Variants in PCDHA1 observed in about 807,000 individuals in gnomAD.
The protein encoded by PCDHA1 is protocadherin alpha-1.
Under a neutral mutation model 61.3 loss-of-function variants are expected in PCDHA1, and 42 were observed. The ratio of observed to expected loss-of-function variants is 0.69; its 90% CI spans 0.54 to 0.89. The LOEUF (loss-of-function observed/expected upper bound fraction) is 0.89. Among genes scored for constraint, PCDHA1 ranks in the 40% least tolerant of loss-of-function variants. The pLI is 0.00. For missense variants in PCDHA1, 1,256 were observed against 1,235.3 expected (o/e 1.02, Z -0.25); for synonymous variants, 610 against 553.8 (o/e 1.10, Z -1.43).
In PCDHA1 at chr5:140,829,909, G is replaced by C. The variant is rs1299883375; in HGVS notation, c.2394+41225G>C. On this transcript the variant is annotated intron_variant, in intron 1 of 3. Transcript: ENST00000504120. ...ACGCCGACTCAGGCTACAACGCGTG[G>C]CTTTCGTATGAGCTGCAGCCCCCGG... 1.9e-6 allele frequency: 3 copies of C among 1,613,992 alleles called. No homozygotes were observed. Among genetic ancestry groups the C allele is most frequent in the Non-Finnish European group, 2.5e-6 (3 of 1,179,904 alleles).
chr5:140,993,449 C>T (rs2097557237), intron 3 of PCDHA1, among the ~76,000 whole-genome samples: 1 of 144,318 alleles, frequency 6.9e-6, no homozygotes, highest in Non-Finnish European at 1.5e-5. Context: ...TTCCTGTTCT[C>T]CTTCTTTCTT....
At chr5:140,793,737 T>C (rs1489180529) in intron 1 of PCDHA1, among the ~76,000 whole-genome samples, 1 of 152,140 alleles carries the variant, frequency 6.6e-6, no homozygotes, top group East Asian at 1.9e-4. Context: ...AGCTAAAAAT[T>C]AACAAAAGAA....
chr5:140,941,241 T>TTCTTTCTTTC (rs2092943774), intron 1 of PCDHA1, among the ~76,000 whole-genome samples: 1 of 140,458 alleles, frequency 7.1e-6, no homozygotes, highest in African/African-American at 2.7e-5. Flanking sequence ...CTTTCTTTCT[T>TTCTTTCTTTC]TCTTTCTTTC....
intron 1 of PCDHA1, chr5:140,966,556 A>C (rs2096021446): frequency 8.5e-6 from 4 of 469,720 alleles, no homozygotes; most frequent in Admixed American, 8.7e-5. Context: ...CGAGCGGAGG[A>C]GCTGGAATAT....
intron 1 of PCDHA1, among the ~76,000 whole-genome samples, chr5:140,846,143 A>G (rs1780220723): frequency 6.7e-6 from 1 of 149,736 alleles, no homozygotes; most frequent in African/African-American, 2.4e-5. Context: ...TCCCATATTT[A>G]AAAGTTGCCT....
At chr5:140,794,774 C>G (rs775427816) in intron 1 of PCDHA1, 4 of 634,782 alleles carry the variant, frequency 6.3e-6, no homozygotes, top group East Asian at 2.8e-5. Flanking sequence ...AACAGTAGAG[C>G]CTTCCTTTTA....
At chr5:140,876,217 G>A (rs976376933) in intron 1 of PCDHA1, 1 of 1,614,006 alleles carries the variant, frequency 6.2e-7, no homozygotes. Flanking sequence ...CAGCTATAAA[G>A]TAGTGTTGTC....
intron 1 of PCDHA1, among the ~76,000 whole-genome samples, chr5:140,977,127 C>T (rs1197401904): frequency 6.6e-6 from 1 of 152,168 alleles, no homozygotes; most frequent in East Asian, 1.9e-4. Flanking sequence ...AACTGAGTTT[C>T]CTGGTCAGTC....
intron 3 of PCDHA1, among the ~76,000 whole-genome samples, chr5:140,991,200 A>C (rs2097437692): frequency 6.6e-6 from 1 of 152,234 alleles, no homozygotes; most frequent in Admixed American, 6.5e-5. Context: ...AATGATGCTC[A>C]ATAAATTTTG....
chr5:140,815,442 C>T (rs1389044439), intron 1 of PCDHA1: 4 of 152,212 alleles, frequency 2.6e-5, no homozygotes, highest in South Asian at 4.1e-4. Context: ...ATCTTTACTA[C>T]AATCACAAAA....
chr5:140,889,028 C>G (rs1015343865), intron 1 of PCDHA1, among the ~76,000 whole-genome samples: 1 of 151,754 alleles, frequency 6.6e-6, no homozygotes. Flanking sequence ...CTTGGATAAC[C>G]GTAATTTGAT....
chr5:140,966,786 G>A (rs1554228650), intron 1 of PCDHA1: 2 of 1,526,000 alleles, frequency 1.3e-6, no homozygotes, highest in Admixed American at 1.9e-5. Context: ...GCGGGCACCA[G>A]ACCTGCGGCG....
rs373601874 is a variant in PCDHA1, at chr5:140,873,473, C to T, written c.2394+84789C>T. ...TTTGCATTTTAGATAATTCAAATTACTTGGACTGATTTCTGCAAAGTTGTG... is the reference window on the plus strand; with the variant it reads ...TTTGCATTTTAGATAATTCAAATTATTTGGACTGATTTCTGCAAAGTTGTG... On this transcript the variant is annotated intron_variant, in intron 1 of 3. Transcript: ENST00000504120. Among the ~76,000 whole-genome samples the T allele has an allele frequency of 1.5e-4, 23 of 152,180 alleles. No homozygotes were observed. The East Asian group carries it at 2.3e-3, about 15-fold the overall frequency.
intron 1 of PCDHA1, among the ~76,000 whole-genome samples, chr5:140,897,304 G>C (rs1297881439): frequency 1.7e-4 from 25 of 150,768 alleles, no homozygotes; most frequent in African/African-American, 6.1e-4. Flanking sequence ...TTTAGCATTA[G>C]GTATATCTCC....
At chr5:141,005,696 C>A (rs1269379462) in intron 3 of PCDHA1, among the ~76,000 whole-genome samples, 1 of 105,034 alleles carries the variant, frequency 9.5e-6, no homozygotes, top group African/African-American at 4.2e-5. Flanking sequence ...AGCGAAACTC[C>A]GTCTCAAAAA....
intron 1 of PCDHA1, chr5:140,830,949 C>T (rs1369947850): frequency 6.6e-6 from 1 of 152,220 alleles, no homozygotes; most frequent in Non-Finnish European, 1.5e-5. Context: ...ATTAAGCTAA[C>T]GCTTTGATTT....
At chr5:140,997,603 C>T (rs781897268) in intron 3 of PCDHA1, among the ~76,000 whole-genome samples, 2 of 151,824 alleles carry the variant, frequency 1.3e-5, no homozygotes, top group African/African-American at 2.4e-5. Flanking sequence ...GATTATGGGG[C>T]GCATGACTAT....
At position 140,828,215 on chromosome 5, in the gene PCDHA1, G is replaced by C. The variant is rs2150152436; in HGVS notation, c.2394+39531G>C. On this transcript the variant is annotated intron_variant, in intron 1 of 3. Coordinates refer to ENST00000504120, the MANE Select transcript of PCDHA1 (RefSeq NM_018900.4). Reference sequence around the variant, plus strand: ...CTCCGTACCCGAGGAGGCCAAACACGGCACCTTCGTGGGCCGGATCGCGCA... The same window carrying C: ...CTCCGTACCCGAGGAGGCCAAACACCGCACCTTCGTGGGCCGGATCGCGCA... The C allele has an allele frequency of 6.2e-6, 10 of 1,613,898 alleles. No individual in the cohort carries two copies. In the African/African-American group the frequency reaches 1.1e-4, roughly 17 times the overall value.
At chr5:140,962,431 A>G (rs782205198) in intron 1 of PCDHA1, among the ~76,000 whole-genome samples, 2 of 152,126 alleles carry the variant, frequency 1.3e-5, no homozygotes, top group Non-Finnish European at 2.9e-5. Flanking sequence ...ATTGTTACTT[A>G]TCCAAAGATG....
Sources: gnomAD v4.1 joint callset for allele counts (sites outside exome capture counted in the v4.1 genomes callset) on GRCh38, gnomAD v4.1.1 for gene constraint, MANE v1.5 for transcripts, NCBI Gene and HGNC (gene_info 2026-07-23, HGNC 2026-07-21) for gene names.